STAC: variants seen among roughly 807,000 people sequenced by gnomAD.
STAC encodes the protein SH3 and cysteine-rich domain-containing protein.
In STAC, 43 loss-of-function variants were observed where a neutral mutation model predicts 48.8. That is an observed-to-expected ratio of 0.88 (90% CI 0.69 to 1.14). The LOEUF is 1.14. STAC is among the 50% of genes most tolerant of loss of function. The probability of loss-of-function intolerance (pLI) is 0.00; values close to 1 mark genes in which losing one functional copy is unlikely to be tolerated. For missense variants in STAC, 497 were observed against 504.0 expected (o/e 0.99, Z 0.13); for synonymous variants, 193 against 179.5 (o/e 1.07, Z -0.60).
At chr3:36,526,448 C>G (rs912051150) in intron 8 of STAC, among the ~76,000 whole-genome samples, 3 of 152,160 alleles carry the variant, frequency 2.0e-5, no homozygotes, top group Admixed American at 2.0e-4. Flanking sequence ...CATGTTTCCA[C>G]GCACTGCTCC....
At chr3:36,539,320 C>A (rs1699268761) in intron 10 of STAC, among the ~76,000 whole-genome samples, 1 of 151,974 alleles carries the variant, frequency 6.6e-6, no homozygotes, top group Non-Finnish European at 1.5e-5. Context: ...AGCCTAGCAC[C>A]CATTAGTTAT....
At chr3:36,478,585 C>T (rs908580586) in intron 2 of STAC, among the ~76,000 whole-genome samples, 9 of 152,132 alleles carry the variant, frequency 5.9e-5, no homozygotes, top group African/African-American at 1.2e-4. Flanking sequence ...GCCTCTGTCT[C>T]CTGGGTTCAA....
At chr3:36,399,516 G>A (rs1198901918) in intron 1 of STAC, among the ~76,000 whole-genome samples, 1 of 152,156 alleles carries the variant, frequency 6.6e-6, no homozygotes, top group East Asian at 1.9e-4. Context: ...TTTTCAGGGA[G>A]GGTGTTTCCT....
intron 1 of STAC, among the ~76,000 whole-genome samples, chr3:36,434,256 G>C (rs1393321324): frequency 6.6e-6 from 1 of 152,108 alleles, no homozygotes; most frequent in African/African-American, 2.4e-5. Flanking sequence ...AATATGACAG[G>C]TATTTCCTCA....
At chr3:36,515,822 G>A (rs572771199) in intron 8 of STAC, among the ~76,000 whole-genome samples, 29 of 151,812 alleles carry the variant, frequency 1.9e-4, no homozygotes, top group Non-Finnish European at 3.2e-4. Flanking sequence ...GTAGAGTTTG[G>A]GGCCCACAAG....
chr3:36,424,966 A>G (rs1248594251), intron 1 of STAC, among the ~76,000 whole-genome samples: 1 of 152,254 alleles, frequency 6.6e-6, no homozygotes, highest in Admixed American at 6.5e-5. Flanking sequence ...GAACACCACT[A>G]TTAGGCAGAC....
intron 2 of STAC, among the ~76,000 whole-genome samples, chr3:36,472,697 G>A (rs1697374653): frequency 6.6e-6 from 1 of 152,168 alleles, no homozygotes; most frequent in Non-Finnish European, 1.5e-5. Flanking sequence ...CATAACAAAA[G>A]TCACCTTTGC....
intron 5 of STAC, among the ~76,000 whole-genome samples, chr3:36,491,137 A>C (rs894591913): frequency 1.1e-4 from 17 of 152,238 alleles, no homozygotes; most frequent in Non-Finnish European, 2.9e-5. Context: ...GTAATAATGA[A>C]CTTCAGCATC....
At chr3:36,542,365 G>C (rs1051466668) in intron 10 of STAC, among the ~76,000 whole-genome samples, 8 of 152,174 alleles carry the variant, frequency 5.3e-5, no homozygotes, top group African/African-American at 1.9e-4. Context: ...CAGAAGGTCA[G>C]CCAAAGGTCT....
At chr3:36,451,203 A>T (rs9917806) in intron 2 of STAC, among the ~76,000 whole-genome samples, 1 of 151,986 alleles carries the variant, frequency 6.6e-6, no homozygotes, top group African/African-American at 2.4e-5. Context: ...CTTTCGGCAG[A>T]TATATAATAT....
chr3:36,520,308 T>C (rs1350676431), intron 8 of STAC, among the ~76,000 whole-genome samples: 1 of 152,174 alleles, frequency 6.6e-6, no homozygotes, highest in Non-Finnish European at 1.5e-5. Context: ...CTTGGAAATC[T>C]GTATGGTTAA....
chr3:36,460,957 TTAATA>T (rs1697000172), intron 2 of STAC, among the ~76,000 whole-genome samples: 3 of 152,304 alleles, frequency 2.0e-5, no homozygotes, highest in African/African-American at 7.2e-5. Flanking sequence ...GTTTTATTTC[TTAATA>T]TAAGAAAATA....
At chr3:36,402,735 C>T (rs144478329) in intron 1 of STAC, among the ~76,000 whole-genome samples, 2 of 152,218 alleles carry the variant, frequency 1.3e-5, no homozygotes, top group East Asian at 1.9e-4. Flanking sequence ...ATTCAAATTC[C>T]AGAGTAAAAG....
chr3:36,392,003 T>C (rs1699760007), intron 1 of STAC, among the ~76,000 whole-genome samples: 1 of 152,042 alleles, frequency 6.6e-6, no homozygotes, highest in Non-Finnish European at 1.5e-5. Context: ...AGCACCAGAG[T>C]TCTGTATGCC....
chr3:36,429,641 T>C (rs77197107), intron 1 of STAC, among the ~76,000 whole-genome samples: 21 of 152,326 alleles, frequency 1.4e-4, no homozygotes, highest in African/African-American at 4.8e-4. Context: ...CTGGCCACCA[T>C]GGTAGCTCTT....
At chr3:36,399,206 C>T (rs958229580) in intron 1 of STAC, among the ~76,000 whole-genome samples, 1 of 152,192 alleles carries the variant, frequency 6.6e-6, no homozygotes, top group Non-Finnish European at 1.5e-5. Context: ...AGAGATCTGC[C>T]TGCCAAAGCC....
chr3:36,486,336 G>T (rs1205667925), intron 5 of STAC, 87 bp downstream of exon 5: 3 of 1,175,596 alleles, frequency 2.6e-6, no homozygotes, highest in Non-Finnish European at 3.6e-6. Context: ...TATTCCACCT[G>T]ACTGCCTCAT....
At chr3:36,399,915 G>T (rs73054165) in intron 1 of STAC, among the ~76,000 whole-genome samples, 3,550 of 152,276 alleles carry the variant, frequency 0.023, 60 homozygotes, top group East Asian at 0.026. Flanking sequence ...GGCAGCCCCA[G>T]GCAAAATGGA....
At chr3:36,469,075 G>C (rs934937414) in intron 2 of STAC, among the ~76,000 whole-genome samples, 1 of 151,966 alleles carries the variant, frequency 6.6e-6, no homozygotes. Context: ...GGAGCATTTA[G>C]GTCATTTACA....
Sources: gnomAD v4.1 joint callset for allele counts (sites outside exome capture counted in the v4.1 genomes callset) on GRCh38, gnomAD v4.1.1 for gene constraint, MANE v1.5 for transcripts, NCBI Gene and HGNC (gene_info 2026-07-23, HGNC 2026-07-21) for gene names.